The following POSTN variants were observed in gnomAD, a reference collection of about 807,000 sequenced individuals.
POSTN encodes periostin, also known as osteoblast specific factor 2 (fasciclin I-like).
In POSTN, 71 loss-of-function variants were observed where a neutral mutation model predicts 104.5. The ratio of observed to expected loss-of-function variants is 0.68; its 90% CI spans 0.56 to 0.83. The LOEUF (loss-of-function observed/expected upper bound fraction) is 0.83. Among genes scored for constraint, POSTN ranks in the 40% least tolerant of loss-of-function variants. The pLI is 0.00. For synonymous variants in POSTN, 355 were observed against 340.7 expected (o/e 1.04, Z -0.46); for missense variants, 949 against 1,006.8 (o/e 0.94, Z 0.78).
intron 4 of POSTN, among the ~76,000 whole-genome samples, chr13:37,588,681 G>T (rs990300021): frequency 6.6e-6 from 1 of 152,162 alleles, no homozygotes; most frequent in African/African-American, 2.4e-5. Flanking sequence ...TAAATCCAGT[G>T]CTGAGATAGG....
intron 4 of POSTN, among the ~76,000 whole-genome samples, chr13:37,588,422 G>T (rs981165715): frequency 6.6e-6 from 1 of 152,096 alleles, no homozygotes; most frequent in Non-Finnish European, 1.5e-5. Context: ...CAACTGTCCT[G>T]TACCTTTTTA....
In POSTN at chr13:37,579,986, A is replaced by G. The variant is rs1459704545; in HGVS notation, c.1535T>C (p.Phe512Ser). The change falls in exon 12 of 23, where the codon TTC becomes TCC. Residue 512 changes from phenylalanine to serine, a missense_variant. Phe to Ser is a radical substitution (Grantham distance 155, BLOSUM62 -2). Coordinates refer to ENST00000379747, the MANE Select transcript of POSTN (RefSeq NM_006475.3). ...GTCTGCAGCTTCAAGTAGGCTGAGG[A>G]AGGTGCTAAGTGGGAAGAATGTATA... is the stretch of plus-strand genomic sequence containing the variant. Reference protein sequence around the residue: ...KLKQDKRFSTFLSLLEAADLK... With the variant: ...KLKQDKRFSTSLSLLEAADLK... The G allele has an allele frequency of 6.2e-7, 1 of 1,613,036 alleles. No homozygotes were observed. The highest frequency in any genetic ancestry group is 1.7e-5 in the Admixed American group (1 of 59,950).
At chr13:37,592,597 C>T (rs182699140) in intron 2 of POSTN, among the ~76,000 whole-genome samples, 2 of 152,092 alleles carry the variant, frequency 1.3e-5, no homozygotes, top group Admixed American at 1.3e-4. Context: ...TGCGCCCGGC[C>T]GATTTTTTCT....
chr13:37,564,181 C>CATATATATATATAT (rs71093693), intron 22 of POSTN, among the ~76,000 whole-genome samples: 2 of 49,856 alleles, frequency 4.0e-5, no homozygotes, highest in Non-Finnish European at 8.7e-5. Context: ...CAAAACATTA[C>CATATATATATATAT]ATATATATAT....
Position 37,598,767 on chromosome 13 carries a change from G to C in POSTN, c.-41C>G. ...TGCAGTTAGTCCCCGAAGAGAACTG[G>C]CAGTGGGCTTTGGAGAGCTCAGAAT... is the stretch of plus-strand genomic sequence containing the variant. On this transcript the variant is annotated 5_prime_UTR_variant, in exon 1 of 23. Transcript: ENST00000379747. The C allele has an allele frequency of 6.2e-7, 1 of 1,606,406 alleles. No individual in the cohort carries two copies. The highest frequency in any genetic ancestry group is 8.5e-7 in the Non-Finnish European group (1 of 1,174,968).
At position 37,579,198 on chromosome 13, in the gene POSTN, C is replaced by T. The variant is rs761021068; in HGVS notation, c.1791+31G>A. 11 of 1,607,258 alleles carry T rather than the reference C, an allele frequency of 6.8e-6. No homozygotes were observed. The Admixed American group carries it at 1.8e-4, about 27-fold the overall frequency. ...TTTAGATAACTTAATGATGGATGAA[C>T]ACTATCATAAATTCATTCTAGACAA... On this transcript the variant is annotated intron_variant, in intron 13 of 22. Transcript: ENST00000379747.
rs111643320 is a variant in POSTN at position 37,579,314 on chromosome 13, G to T, written c.1706C>A (p.Pro569Gln). 6.3e-7 allele frequency: 1 copy of T among 1,596,736 alleles called. No homozygotes were observed. Among genetic ancestry groups the T allele is most frequent in the Non-Finnish European group, 8.6e-7 (1 of 1,164,542 alleles). Reference protein sequence around the residue: ...LQNIILYHLTPGVFIGKGFEP... With the variant: ...LQNIILYHLTQGVFIGKGFEP... The stretch of plus-strand genomic sequence containing the variant: ...AAATCCTTTTCCAATGAAAACTCCT[G>T]GTGTCAGGTGATAAAGAATGATGTT... The change falls in exon 13 of 23, where the codon CCA becomes CAA. Residue 569 changes from proline to glutamine, a missense_variant. Pro to Gln is a moderately conservative substitution (Grantham distance 76). Transcript: ENST00000379747.
intron 2 of POSTN, among the ~76,000 whole-genome samples, chr13:37,593,002 GTATTA>G (rs142606955): frequency 0.11 from 16,387 of 151,434 alleles, 1,237 homozygotes; most frequent in African/African-American, 0.2. Context: ...ATTATTAATT[GTATTA>G]TATTATATAT....
chr13:37,597,227 T>G lies in POSTN; in HGVS notation c.175A>C (p.Thr59Pro). The G allele has an allele frequency of 6.3e-7, 1 of 1,586,946 alleles. No individual in the cohort carries two copies. The highest frequency in any genetic ancestry group is 8.5e-7 in the Non-Finnish European group (1 of 1,170,316). Residue 59 changes from threonine to proline, a missense_variant, in exon 2 of 23, where the codon ACT (threonine) becomes CCT (proline). By Grantham distance (38) the Thr-to-Pro change is conservative (BLOSUM62 -1). Transcript: ENST00000379747. ...ILGTKKKYFS[T>P]CKNWYKKSIC... The stretch of plus-strand genomic sequence containing the variant: ...GACTTTTTATACCAGTTCTTACAAG[T>G]GCTGAAGTATTTCTTTTTGGTGCCC...
chr13:37,580,469 T>C, intron 11 of POSTN, 92 bp downstream of exon 11: 2 of 1,376,480 alleles, frequency 1.5e-6, no homozygotes, highest in East Asian at 2.3e-5. Context: ...TTCAACCACA[T>C]AGGAGACTGA....
chr13:37,593,994 A>G (rs1951014193), intron 2 of POSTN, among the ~76,000 whole-genome samples: 1 of 151,836 alleles, frequency 6.6e-6, no homozygotes, highest in Non-Finnish European at 1.5e-5. Context: ...GGAAATACCC[A>G]CTTCAAGTTA....
intron 8 of POSTN, among the ~76,000 whole-genome samples, 166 bp from the exon 9 acceptor site, chr13:37,584,269 A>AT (rs1190571672): frequency 6.6e-6 from 1 of 152,176 alleles, no homozygotes; most frequent in Non-Finnish European, 1.5e-5. Context: ...TTCCACTTCC[A>AT]TTTTTTGGTG....
At chr13:37,580,863 C>A (rs546762084) in intron 10 of POSTN, among the ~76,000 whole-genome samples, 166 bp from the exon 11 acceptor site, 1 of 152,310 alleles carries the variant, frequency 6.6e-6, no homozygotes, top group African/African-American at 2.4e-5. Context: ...CTCACACAAA[C>A]TCACAAGACA....
intron 7 of POSTN, among the ~76,000 whole-genome samples, 166 bp from the exon 8 acceptor site, chr13:37,585,094 A>G (rs1371587762): frequency 6.6e-6 from 1 of 152,226 alleles, no homozygotes; most frequent in Non-Finnish European, 1.5e-5. Context: ...GTTTTTTCCT[A>G]TCAACTATAA....
chr13:37,571,500 G>A (rs758443562), intron 17 of POSTN, 42 bp from the exon 18 acceptor site: 12 of 1,424,872 alleles, frequency 8.4e-6, no homozygotes, highest in Non-Finnish European at 1.1e-5. Context: ...TGTTAAAACA[G>A]TCCTTTAAAT....
intron 5 of POSTN, 55 bp downstream of exon 5, chr13:37,587,767 G>C (rs1950791621): frequency 7.6e-7 from 1 of 1,316,522 alleles, no homozygotes; most frequent in East Asian, 2.4e-5. Context: ...AAAAAGTATA[G>C]ACAAAATTAA....
At chr13:37,574,498 ATAC>A (rs1566548535) in intron 17 of POSTN, 71 bp downstream of exon 17, 4 of 1,464,144 alleles carry the variant, frequency 2.7e-6, no homozygotes, top group Non-Finnish European at 3.6e-6. Context: ...AAGAATGTAG[ATAC>A]ATTCATAGAG....
Position 37,579,093 on chromosome 13 carries a change from A to G in POSTN, c.1820T>C (p.Leu607Ser). The G allele has an allele frequency of 6.2e-7, 1 of 1,613,144 alleles. No individual in the cohort carries two copies. The highest frequency in any genetic ancestry group is 8.5e-7 in the Non-Finnish European group (1 of 1,179,552). ...CATGATGTCAGATTCTTTTGATTTC[A>G]ATTCATTCACCAGAAGTGTATCATT... ...EVNDTLLVNELKSKESDIMTT... is the reference protein window; with the variant it reads ...EVNDTLLVNESKSKESDIMTT... Residue 607 changes from leucine (L) to serine (S), a missense_variant, in exon 14 of 23, where the codon TTG becomes TCG. Transcript: ENST00000379747.
Position 37,586,742 on chromosome 13 carries a change from G to C in POSTN, c.753+40C>G, listed in dbSNP as rs368756991. 107 of 1,548,992 alleles carry C rather than the reference G, an allele frequency of 6.9e-5. 1 individual carries two copies. The South Asian group carries it at 1.1e-3, about 16-fold the overall frequency. Reference sequence around the variant, plus strand: ...TTTAGATTTTGACAGGAGAAGAAGAGGGATTTCAATGACTCAAGACAATCT... The same window carrying C: ...TTTAGATTTTGACAGGAGAAGAAGACGGATTTCAATGACTCAAGACAATCT... On this transcript the variant is annotated intron_variant, in intron 6 of 22. Transcript: ENST00000379747.
Sources: allele counts gnomAD v4.1 joint callset (sites outside exome capture counted in the v4.1 genomes callset), GRCh38; gene constraint gnomAD v4.1.1; transcripts MANE v1.5; gene names NCBI Gene and HGNC (gene_info 2026-07-23, HGNC 2026-07-21).